CDH24: variants seen among roughly 807,000 people sequenced by gnomAD.
CDH24 encodes cadherin-24.
In CDH24, 61 loss-of-function variants were observed where a neutral mutation model predicts 71.2. That is an observed-to-expected ratio of 0.86 (90% CI 0.70 to 1.06). CDH24 has a LOEUF of 1.06. Ranked by LOEUF, CDH24 falls within the 50% of genes least tolerant of loss-of-function variation. The pLI is 0.00. For synonymous variants in CDH24, 440 were observed against 470.2 expected, an observed-to-expected ratio of 0.94 and a Z score of 0.83; for missense variants, 961 against 1,083.7, an observed-to-expected ratio of 0.89 and a Z score of 1.59.
At chr14:23,053,138 C>T (rs1411916614) in intron 7 of CDH24, among the ~76,000 whole-genome samples, 2 of 152,192 alleles carry the variant, frequency 1.3e-5, no homozygotes, top group East Asian at 3.9e-4. Flanking sequence ...GATGAGAACA[C>T]CTACTTCATA....
chr14:23,048,800 T>C (rs1334651010), intron 11 of CDH24, among the ~76,000 whole-genome samples: 1 of 152,008 alleles, frequency 6.6e-6, no homozygotes, highest in African/African-American at 2.4e-5. Context: ...TGGCACAGAG[T>C]AGGGGCTCAG....
At position 23,051,105 on chromosome 14, in the gene CDH24, T is replaced by C. The variant is rs1269955521; in HGVS notation, c.1364-1162A>G. On this transcript the variant is annotated intron_variant, in intron 8 of 12. Transcript: ENST00000487137. The surrounding 1 kb of genome is among the most constrained non-coding windows in gnomAD (Gnocchi z 4.4). ...GTGTGTACACGGACACACACGGCCATCCACACAGACATCCATGCACTAACA... is the reference window on the plus strand; with the variant it reads ...GTGTGTACACGGACACACACGGCCACCCACACAGACATCCATGCACTAACA... 6.6e-6 allele frequency among the ~76,000 whole-genome samples: 1 copy of C among 152,102 alleles called. No individual in the cohort carries two copies.
chr14:23,047,880 G>T lies in CDH24; in HGVS notation c.*100C>A. 1 of 917,770 alleles carries T rather than the reference G, an allele frequency of 1.1e-6. No homozygotes were observed. 56.9% of individuals were successfully genotyped at this position (917,770 alleles called of 1,614,324 possible). On this transcript the variant is annotated 3_prime_UTR_variant, in exon 12 of 13. Transcript: ENST00000487137. ...CACAAGGACAGGGAGGAGGCCTGGG[G>T]CCCCTGGGCTGCTGCCGCCCGCCTG...
rs977491107 is a variant in CDH24, at chr14:23,049,701, A to G, written c.1523T>C (p.Val508Ala). Reference sequence around the variant, plus strand: ...AAAGGAGACATGGCTACTGTTGCCAACTTCATCTCTGTCCAGGGCCCGGAT... The same window carrying G: ...AAAGGAGACATGGCTACTGTTGCCAGCTTCATCTCTGTCCAGGGCCCGGAT... ...QVIRALDRDE[V>A]GNSSHVSFQG... The change falls in exon 10 of 13, where the codon GTT (valine) becomes GCT (alanine). Residue 508 changes from valine to alanine, a missense_variant. By Grantham distance (64) the Val-to-Ala change is moderately conservative. Coordinates refer to ENST00000487137, the MANE Select transcript of CDH24 (RefSeq NM_144985.4). The G allele has an allele frequency of 2.5e-6, 4 of 1,612,164 alleles. No homozygotes were observed. Among genetic ancestry groups the G allele is most frequent in the Non-Finnish European group, 2.5e-6 (3 of 1,178,750 alleles).
chr14:23,047,871 A>C lies in CDH24; in HGVS notation c.*109T>G. On this transcript the variant is annotated 3_prime_UTR_variant, in exon 12 of 13. Transcript: ENST00000487137. ...AAGGAGGGACACAAGGACAGGGAGG[A>C]GGCCTGGGGCCCCTGGGCTGCTGCC... 2.8e-6 allele frequency: 2 copies of C among 726,488 alleles called. No homozygotes were observed. Among genetic ancestry groups the C allele is most frequent in the Non-Finnish European group, 3.8e-6 (2 of 524,088 alleles). The allele number at this position is 726,488 out of a possible 1,614,324, so 45.0% of individuals were successfully genotyped here.
chr14:23,051,761 T>C lies in CDH24; in HGVS notation c.1363+712A>G, dbSNP rs930618489. ...CACATATACAAGGGCAGTTTTCATA[T>C]GCAGTATGAAGACAAAAGGGTGGAG... On this transcript the variant is annotated intron_variant, in intron 8 of 12. Coordinates refer to ENST00000487137, the MANE Select transcript of CDH24 (RefSeq NM_144985.4). This position sits in a 1 kb window ranked among gnomAD's most constrained non-coding sequence, Gnocchi z 4.4. Among the ~76,000 whole-genome samples, 2 of 152,208 alleles carry C rather than the reference T, an allele frequency of 1.3e-5. No homozygotes were observed. Among genetic ancestry groups the C allele is most frequent in the East Asian group, 3.8e-4 (2 of 5,196 alleles).
At position 23,055,343 on chromosome 14, in the gene CDH24, T is replaced by A. The variant is rs1566724752; in HGVS notation, c.212A>T (p.Asp71Val). ...EPVLIGKLHS[D>V]VDRGEGRTKY... ...GGTGCGGCCCTCTCCCCGGTCAACA[T>A]CCGAGTGCAGCTGCAGGGGTCACGA... The change falls in exon 3 of 13, where the codon GAT becomes GTT. Residue 71 changes from aspartate to valine, a missense_variant. Around this residue, in one of 2 missense-constraint regions of CDH24, gnomAD observed 671 missense variants for 810.9 expected, o/e 0.83. Transcript: ENST00000487137. This position sits in a 1 kb window ranked among gnomAD's most constrained non-coding sequence, Gnocchi z 4.1. The A allele has an allele frequency of 6.2e-7, 1 of 1,606,100 alleles. No homozygotes were observed. Among genetic ancestry groups the A allele is most frequent in the Non-Finnish European group, 8.5e-7 (1 of 1,173,312 alleles).
Position 23,052,468 on chromosome 14 carries a change from C to T in CDH24, c.1363+5G>A. 3.7e-6 allele frequency: 6 copies of T among 1,613,530 alleles called. No homozygotes were observed. The highest frequency in any genetic ancestry group is 4.2e-6 in the Non-Finnish European group (5 of 1,179,914). ...CTGCCGCCTTGTGGGCCCTGGAGTC[C>T]TCACCGAGCTCTGTAGCCAGCACAG... On this transcript the variant is annotated splice_donor_5th_base_variant and intron_variant, in intron 8 of 12. Coordinates refer to ENST00000487137, the MANE Select transcript of CDH24 (RefSeq NM_144985.4).
chr14:23,055,647 T>C lies in CDH24; in HGVS notation c.87A>G (p.Ala29=). Residue 29 remains alanine (A), a synonymous_variant, in exon 2 of 13, where the codon GCA becomes GCG. Coordinates refer to ENST00000487137, the MANE Select transcript of CDH24 (RefSeq NM_144985.4). This position sits in a 1 kb window ranked among gnomAD's most constrained non-coding sequence, Gnocchi z 4.1. ...CAGGCCCTGGGTGTTCCCGGGACCCTGCCCAGGCCCGGGCTGGGGCTGCCA... is the reference window on the plus strand; with the variant it reads ...CAGGCCCTGGGTGTTCCCGGGACCCCGCCCAGGCCCGGGCTGGGGCTGCCA... ...GRLAAPARAW[A]GSREHPGPAL... The C allele has an allele frequency of 6.2e-7, 1 of 1,611,818 alleles. No homozygotes were observed. The highest frequency in any genetic ancestry group is 8.5e-7 in the Non-Finnish European group (1 of 1,179,270).
At chr14:23,053,466 G>A in intron 7 of CDH24, 30 bp downstream of exon 7, 9 of 1,526,040 alleles carry the variant, frequency 5.9e-6, no homozygotes, top group Non-Finnish European at 8.0e-6. Flanking sequence ...CTGCCATCTG[G>A]CTCCCCAGCC....
intron 8 of CDH24, 156 bp from the exon 9 acceptor site, chr14:23,050,099 G>T (rs754239031): frequency 5.7e-6 from 6 of 1,049,252 alleles, no homozygotes; most frequent in Non-Finnish European, 8.2e-6. Flanking sequence ...AAACAATGTT[G>T]CAGAATGAAT....
intron 8 of CDH24, 23 bp from the exon 9 acceptor site, chr14:23,049,966 TACACGCCACAC>T (rs779479496): frequency 1.8e-5 from 29 of 1,606,680 alleles, no homozygotes; most frequent in Non-Finnish European, 2.3e-5. Context: ...CACCAAAACA[TACACGCCACAC>T]ACACACCACA....
chr14:23,054,604 G>A lies in CDH24; in HGVS notation c.686C>T (p.Ala229Val). 1 of 1,614,068 alleles carries A rather than the reference G, an allele frequency of 6.2e-7. No homozygotes were observed. Among genetic ancestry groups the A allele is most frequent in the South Asian group, 1.1e-5 (1 of 91,078 alleles). The change falls in exon 5 of 13, where the codon GCC becomes GTC. Residue 229 changes from alanine (A) to valine (V), a missense_variant. Ala to Val is a moderately conservative substitution (Grantham distance 64). Around this residue, in one of 2 missense-constraint regions of CDH24, gnomAD observed 671 missense variants for 810.9 expected, o/e 0.83. Coordinates refer to ENST00000487137, the MANE Select transcript of CDH24 (RefSeq NM_144985.4). This position sits in a 1 kb window ranked among gnomAD's most constrained non-coding sequence, Gnocchi z 5.2. ...TQEEFLVVIQ[A>V]KDMGGHMGGL... ...CCCCATGTGGCCGCCCATGTCCTTG[G>A]CCTGGATCACCACCAAGAACTCCTC...
In CDH24 at chr14:23,047,953, C is replaced by CCG; in HGVS notation, c.*26_*27insCG. 1 of 1,292,354 alleles carries CCG rather than the reference C, an allele frequency of 7.7e-7. No individual in the cohort carries two copies. The highest frequency in any genetic ancestry group is 1.6e-5 in the African/African-American group (1 of 63,994). 80.1% of individuals were successfully genotyped at this position (1,292,354 alleles called of 1,614,324 possible). On this transcript the variant is annotated 3_prime_UTR_variant, in exon 12 of 13. Transcript: ENST00000487137. ...GGGCCTGTGCCCGCTGCCCCCCCCC[C>CCG]GCGGTGGGCCGGGCCAGCCCGGGCG...
At position 23,055,955 on chromosome 14, in the gene CDH24, T is replaced by C. The variant is rs1244000716; in HGVS notation, c.-124-98A>G. 9.1e-6 allele frequency: 5 copies of C among 546,874 alleles called. No homozygotes were observed. Among genetic ancestry groups the C allele is most frequent in the African/African-American group, 7.5e-5 (4 of 53,212 alleles). 33.9% of individuals were successfully genotyped at this position (546,874 alleles called of 1,614,324 possible). A position where few individuals can be genotyped will look rare whatever the true frequency, so the allele number is the denominator to read the frequency against. On this transcript the variant is annotated intron_variant, in intron 1 of 12. Coordinates refer to ENST00000487137, the MANE Select transcript of CDH24 (RefSeq NM_144985.4). The surrounding 1 kb of genome is among the most constrained non-coding windows in gnomAD (Gnocchi z 4.1). Reference sequence around the variant, plus strand: ...ACCAGACCTCCAAGGAACCAGACACTCCACTGCCCAGAACTCAGACTAAGA... The same window carrying C: ...ACCAGACCTCCAAGGAACCAGACACCCCACTGCCCAGAACTCAGACTAAGA...
At position 23,054,963 on chromosome 14, in the gene CDH24, A is replaced by C; in HGVS notation, c.496+96T>G. On this transcript the variant is annotated intron_variant, in intron 3 of 12. Coordinates refer to ENST00000487137, the MANE Select transcript of CDH24 (RefSeq NM_144985.4). The surrounding 1 kb of genome is among the most constrained non-coding windows in gnomAD (Gnocchi z 5.2). ...TGCAGATACGAGGGAGGCTGAATTG[A>C]AGGGGGCAGGTTCTGGGGCAGACAA... 1.9e-6 allele frequency: 3 copies of C among 1,590,540 alleles called. No homozygotes were observed. The Admixed American group carries it at 5.0e-5, about 27-fold the overall frequency.
Position 23,055,008 on chromosome 14 carries a change from G to C in CDH24, c.496+51C>G. On this transcript the variant is annotated intron_variant, in intron 3 of 12. Transcript: ENST00000487137. This position sits in a 1 kb window ranked among gnomAD's most constrained non-coding sequence, Gnocchi z 4.1. ...AGACAACAAGAAGGGAAGGAGAGGTGAGAGAGCTCCAGAAGACGGGAACTG... is the reference window on the plus strand; with the variant it reads ...AGACAACAAGAAGGGAAGGAGAGGTCAGAGAGCTCCAGAAGACGGGAACTG... 6.3e-7 allele frequency: 1 copy of C among 1,592,754 alleles called. No homozygotes were observed. Among genetic ancestry groups the C allele is most frequent in the Middle Eastern group, 1.7e-4 (1 of 5,962 alleles).
intron 1 of CDH24, among the ~76,000 whole-genome samples, chr14:23,056,452 CA>C (rs1340412826): frequency 1.3e-5 from 2 of 152,106 alleles, no homozygotes; most frequent in South Asian, 2.1e-4. Context: ...GGGTGGGGGA[CA>C]GGGGGAGGTG....
rs1023918034 is a variant in CDH24 at position 23,051,545 on chromosome 14, T to C, written c.1363+928A>G. 2.0e-5 allele frequency among the ~76,000 whole-genome samples: 3 copies of C among 152,208 alleles called. No individual in the cohort carries two copies. Among genetic ancestry groups the C allele is most frequent in the Non-Finnish European group, 4.4e-5 (3 of 68,036 alleles). ...CCACTGTATATATCAATCACACATA[T>C]GCATAATTAACATAAATATAATTCT... On this transcript the variant is annotated intron_variant, in intron 8 of 12. Transcript: ENST00000487137. This position sits in a 1 kb window ranked among gnomAD's most constrained non-coding sequence, Gnocchi z 4.4.
Sources: allele counts gnomAD v4.1 joint callset (sites outside exome capture counted in the v4.1 genomes callset), GRCh38; gene constraint gnomAD v4.1.1; regional missense constraint gnomAD v4.1.1; non-coding constraint Gnocchi (gnomAD v3.1); transcripts MANE v1.5; gene names NCBI Gene and HGNC (gene_info 2026-07-23, HGNC 2026-07-21).